EAPP: variants seen among roughly 807,000 people sequenced by gnomAD.
EAPP encodes E2F-associated phosphoprotein.
EAPP carries 38 observed loss-of-function variants against 34.3 expected under a neutral mutation model. The ratio of observed to expected loss-of-function variants is 1.11; its 90% confidence interval spans 0.85 to 1.45. The LOEUF is 1.45. Among genes scored for constraint, EAPP ranks in the 40% most tolerant of loss-of-function variants. The pLI is 0.00. For missense variants in EAPP, 338 were observed against 343.7 expected (o/e 0.98, Z 0.13); for synonymous variants, 113 against 117.6 (o/e 0.96, Z 0.25).
intron 3 of EAPP, among the ~76,000 whole-genome samples, chr14:34,532,807 C>A (rs888561699): frequency 6.6e-6 from 1 of 151,184 alleles, no homozygotes; most frequent in Non-Finnish European, 1.5e-5. Flanking sequence ...CCTGAGTAGC[C>A]GGGATTACAG....
chr14:34,521,430 A>C (rs764006587), intron 5 of EAPP, among the ~76,000 whole-genome samples: 7 of 151,888 alleles, frequency 4.6e-5, no homozygotes, highest in Non-Finnish European at 7.4e-5. Context: ...CTCCCTCCTG[A>C]GTACCAATTC....
chr14:34,530,904 C>CAAAAAAAAAAAAAAAAAAAAAA (rs780101001), intron 3 of EAPP, among the ~76,000 whole-genome samples: 2 of 55,184 alleles, frequency 3.6e-5, no homozygotes, highest in African/African-American at 7.0e-5. Flanking sequence ...CAATCTTTAC[C>CAAAAAAAAAAAAAAAAAAAAAA]AAAAAAAAAA....
intron 1 of EAPP, 183 bp from the exon 2 acceptor site, chr14:34,536,458 A>ATTTTTTTTTTTTT (rs5807779): frequency 7.9e-6 from 1 of 126,188 alleles, no homozygotes; most frequent in African/African-American, 4.4e-5. Context: ...ATCTTCTTTA[A>ATTTTTTTTTTTTT]TTTTTTTTTT....
intron 4 of EAPP, among the ~76,000 whole-genome samples, chr14:34,526,570 A>C (rs1373654557): frequency 4.0e-5 from 6 of 149,618 alleles, no homozygotes; most frequent in Non-Finnish European, 5.9e-5. Context: ...TAAGAAAATA[A>C]AAAAAAAAAT....
chr14:34,526,527 C>T (rs1880101823), intron 4 of EAPP, among the ~76,000 whole-genome samples: 1 of 151,676 alleles, frequency 6.6e-6, no homozygotes, highest in Non-Finnish European at 1.5e-5. Context: ...AGTTTGAGAC[C>T]AGCCTGGGCA....
chr14:34,533,722 G>C (rs960497142), intron 2 of EAPP, among the ~76,000 whole-genome samples, 183 bp from the exon 3 acceptor site: 1 of 152,094 alleles, frequency 6.6e-6, no homozygotes, highest in Non-Finnish European at 1.5e-5. Flanking sequence ...ACAGAGAACT[G>C]GCCCTCCTTA....
chr14:34,535,984 A>G (rs1195200574), intron 2 of EAPP, 110 bp downstream of exon 2: 10 of 705,960 alleles, frequency 1.4e-5, no homozygotes, highest in Non-Finnish European at 2.3e-5. Flanking sequence ...CATTCAATAA[A>G]TATTTATTGA....
chr14:34,524,776 G>C lies in EAPP; in HGVS notation c.502C>G (p.Gln168Glu), dbSNP rs17352411. ...YHGLGPQRSR[Q>E]QQPVPNSDAV... ...TCACTATTTGGAACAGGCTGTTGTT[G>C]ACGTGATCTCTGTGGTCCCAAACCA... The change falls in exon 5 of 6, where the codon CAA becomes GAA. Residue 168 changes from glutamine (Q) to glutamate (E), a missense_variant. Coordinates refer to ENST00000250454, the MANE Select transcript of EAPP (RefSeq NM_018453.4). 0.03 allele frequency: 49,104 copies of C among 1,613,176 alleles called. 1,555 individuals are homozygous for C. The highest frequency in any genetic ancestry group is 0.17 in the African/African-American group (12,736 of 74,716).
chr14:34,531,748 CTT>C (rs552225373), intron 3 of EAPP, among the ~76,000 whole-genome samples: 145 of 152,052 alleles, frequency 9.5e-4, no homozygotes, highest in Middle Eastern at 3.4e-3. Flanking sequence ...AGTTTTAGCT[CTT>C]GTTATGTTCA....
intron 5 of EAPP, among the ~76,000 whole-genome samples, chr14:34,520,669 T>G (rs938714299): frequency 6.6e-6 from 1 of 151,640 alleles, no homozygotes; most frequent in Non-Finnish European, 1.5e-5. Context: ...GCTCAGCTAA[T>G]TTTTTAATAT....
At chr14:34,532,161 A>C (rs1387500869) in intron 3 of EAPP, among the ~76,000 whole-genome samples, 1 of 151,844 alleles carries the variant, frequency 6.6e-6, no homozygotes, top group Non-Finnish European at 1.5e-5. Context: ...ATTAAGAAAA[A>C]TTCTGCAGGA....
intron 1 of EAPP, among the ~76,000 whole-genome samples, chr14:34,537,311 T>C (rs1327804700): frequency 6.6e-6 from 1 of 152,218 alleles, no homozygotes; most frequent in Non-Finnish European, 1.5e-5. Flanking sequence ...GCACCAGACC[T>C]GTATTATTTC....
At position 34,536,115 on chromosome 14, in the gene EAPP, T is replaced by C; in HGVS notation, c.235A>G (p.Lys79Glu). 2 of 1,610,638 alleles carry C rather than the reference T, an allele frequency of 1.2e-6. No homozygotes were observed. Among genetic ancestry groups the C allele is most frequent in the Non-Finnish European group, 1.7e-6 (2 of 1,179,088 alleles). ...TTACCAGTTCCCAGAGAGGATAACT[T>C]GTCCTCCATTGTTTTCATGGTAGAA... Reference protein sequence around the residue: ...LNSTMKTMEDKLSSLGTGSSS... With the variant: ...LNSTMKTMEDELSSLGTGSSS... The change falls in exon 2 of 6, where the codon AAG becomes GAG. Residue 79 changes from lysine (K) to glutamate (E), a missense_variant. Lys to Glu is a moderately conservative substitution (Grantham distance 56). Coordinates refer to ENST00000250454, the MANE Select transcript of EAPP (RefSeq NM_018453.4).
intron 5 of EAPP, among the ~76,000 whole-genome samples, chr14:34,520,083 C>T (rs1879867811): frequency 6.6e-6 from 1 of 151,942 alleles, no homozygotes; most frequent in Non-Finnish European, 1.5e-5. Flanking sequence ...GATGGGGTTT[C>T]ACCATGTTGG....
At chr14:34,524,912 T>A in intron 4 of EAPP, 105 bp from the exon 5 acceptor site, 1 of 810,242 alleles carries the variant, frequency 1.2e-6, no homozygotes, top group Non-Finnish European at 2.0e-6. Context: ...GAGAAATGGC[T>A]AATTCTAGGA....
rs1348544511 is a variant in EAPP, at chr14:34,530,808, A to T, written c.353-1333T>A. 1.3e-4 allele frequency among the ~76,000 whole-genome samples: 19 copies of T among 150,394 alleles called. No homozygotes were observed. The Admixed American group carries it at 1.3e-3, about 10-fold the overall frequency. ...AAAAAAACAGTATGAGGTCAGATAC[A>T]GTGGCTCACATCTGTAATACCAGCA... On this transcript the variant is annotated intron_variant, in intron 3 of 5. Transcript: ENST00000250454.
rs769783651 is a variant in EAPP, at chr14:34,516,407, T to C, written c.761A>G (p.Tyr254Cys). 30 of 1,614,100 alleles carry C rather than the reference T, an allele frequency of 1.9e-5. No individual in the cohort carries two copies. Among genetic ancestry groups the C allele is most frequent in the Middle Eastern group, 1.6e-4 (1 of 6,084 alleles). Residue 254 changes from tyrosine to cysteine, a missense_variant, in exon 6 of 6, where the codon TAT becomes TGT. Transcript: ENST00000250454. The part of the protein sequence containing the change: ...EKAETDVEEI[Y>C]HPVMCTECST... Reference sequence around the variant, plus strand: ...ACATTCAGTGCACATGACTGGGTGATAGATTTCTTCCACATCTGTCTCTGC... The same window carrying C: ...ACATTCAGTGCACATGACTGGGTGACAGATTTCTTCCACATCTGTCTCTGC...
intron 5 of EAPP, among the ~76,000 whole-genome samples, chr14:34,521,917 A>G (rs866970042): frequency 6.6e-6 from 1 of 152,062 alleles, no homozygotes; most frequent in Non-Finnish European, 1.5e-5. Flanking sequence ...TACAGGCGTG[A>G]GCCACTGTGC....
In EAPP at chr14:34,532,020, G is replaced by A. The variant is rs188855932; in HGVS notation, c.352+1424C>T. Among the ~76,000 whole-genome samples, 1,295 of 150,736 alleles carry A rather than the reference G, an allele frequency of 8.6e-3. 15 individuals carry two copies. The highest frequency in any genetic ancestry group is 0.03 in the African/African-American group (1,234 of 40,988). Reference sequence around the variant, plus strand: ...GAACCCAGGAGGCAGAGCTTGCAGTGAGCTGAGATTGCGCCACTGCACTCC... The same window carrying A: ...GAACCCAGGAGGCAGAGCTTGCAGTAAGCTGAGATTGCGCCACTGCACTCC... On this transcript the variant is annotated intron_variant, in intron 3 of 5. Coordinates refer to ENST00000250454, the MANE Select transcript of EAPP (RefSeq NM_018453.4).
Sources: allele counts gnomAD v4.1 joint callset (sites outside exome capture counted in the v4.1 genomes callset), GRCh38; gene constraint gnomAD v4.1.1; transcripts MANE v1.5; gene names NCBI Gene and HGNC (gene_info 2026-07-23, HGNC 2026-07-21).